Variants in IGSF5 observed in about 807,000 individuals in gnomAD.
The protein encoded by IGSF5 is immunoglobulin superfamily 5 like.
In IGSF5, 41 loss-of-function variants were observed where a neutral mutation model predicts 39.4. That is an observed-to-expected ratio of 1.04 (90% CI 0.81 to 1.35). The LOEUF (loss-of-function observed/expected upper bound fraction) is 1.35, where lower values mean the gene tolerates loss of function less well. Among genes scored for constraint, IGSF5 ranks in the 40% most tolerant of loss-of-function variants. IGSF5 has a pLI of 0.00. For missense variants in IGSF5, 487 were observed against 494.6 expected (o/e 0.98, Z 0.15); for synonymous variants, 183 against 175.3 (o/e 1.04, Z -0.34).
the IGSF5 span, among the ~76,000 whole-genome samples, chr21:39,720,268 A>T: frequency 4.6e-5 from 7 of 152,268 alleles, no homozygotes; most frequent in Middle Eastern, 3.4e-3. Context: ...CACTGATCTG[A>T]CAGGAGGCTG....
chr21:39,724,776 C>T, the IGSF5 span, among the ~76,000 whole-genome samples: 1 of 152,252 alleles, frequency 6.6e-6, no homozygotes, highest in African/African-American at 2.4e-5. Flanking sequence ...TTGCTGCAGC[C>T]ACCAGCTGGG....
chr21:39,796,816 C>A (rs964105630), intron 8 of IGSF5, among the ~76,000 whole-genome samples: 1 of 152,214 alleles, frequency 6.6e-6, no homozygotes. Context: ...AACACTTTTC[C>A]GATCGTGGTT....
Position 39,765,642 on chromosome 21 carries a change from A to T in IGSF5, c.208A>T (p.Met70Leu), listed in dbSNP as rs1881887417. ...CGTCTCCCAGGGCTGGAAGCTCATCATGTGGGCTCTCAGTGACATGGTGGT... is the reference window on the plus strand; with the variant it reads ...CGTCTCCCAGGGCTGGAAGCTCATCTTGTGGGCTCTCAGTGACATGGTGGT... ...CTVSQGWKLI[M>L]WALSDMVVLS... Residue 70 changes from methionine to leucine, a missense_variant, in exon 3 of 9, where the codon ATG (methionine) becomes TTG (leucine). Met to Leu is a conservative substitution (Grantham distance 15). Transcript: ENST00000380588. The T allele has an allele frequency of 2.5e-6, 4 of 1,614,106 alleles. No individual in the cohort carries two copies. Among genetic ancestry groups the T allele is most frequent in the Non-Finnish European group, 3.4e-6 (4 of 1,180,018 alleles).
Position 39,765,731 on chromosome 21 carries a change from C to A in IGSF5, c.297C>A (p.Asp99Glu), listed in dbSNP as rs1569251855. The change falls in exon 3 of 9, where the codon GAC becomes GAA. Residue 99 changes from aspartate (D) to glutamate (E), a missense_variant. Coordinates refer to ENST00000380588, the MANE Select transcript of IGSF5 (RefSeq NM_001080444.2). Reference sequence around the variant, plus strand: ...ACCGCTTCACCTCTCAGAGGTACGACCAGGGCGGGAACTTCACCTCGGAGA... The same window carrying A: ...ACCGCTTCACCTCTCAGAGGTACGAACAGGGCGGGAACTTCACCTCGGAGA... ...TNDRFTSQRYDQGGNFTSEMI... is the reference protein window; with the variant it reads ...TNDRFTSQRYEQGGNFTSEMI... 6.2e-7 allele frequency: 1 copy of A among 1,614,094 alleles called. No homozygotes were observed. Among genetic ancestry groups the A allele is most frequent in the South Asian group, 1.1e-5 (1 of 91,072 alleles).
chr21:39,732,038 A>G, the IGSF5 span, among the ~76,000 whole-genome samples: 772 of 152,258 alleles, frequency 5.1e-3, 5 homozygotes, highest in Non-Finnish European at 9.0e-3. Context: ...AGAGAGGTCC[A>G]TGTCAAAGAG....
intron 3 of IGSF5, among the ~76,000 whole-genome samples, chr21:39,769,839 A>G (rs1333154498): frequency 1.3e-5 from 2 of 152,220 alleles, no homozygotes; most frequent in Non-Finnish European, 2.9e-5. Context: ...TTAATTTCAA[A>G]TATGATAAAT....
At chr21:39,740,266 T>C (rs1360687565), upstream of IGSF5, among the ~76,000 whole-genome samples, 1 of 152,232 alleles carries the variant, frequency 6.6e-6, no homozygotes, top group Non-Finnish European at 1.5e-5. Flanking sequence ...CAATATCTGC[T>C]TGGCGGTTCC....
At chr21:39,748,567 T>C (rs2079987832) in intron 2 of IGSF5, among the ~76,000 whole-genome samples, 1 of 151,954 alleles carries the variant, frequency 6.6e-6, no homozygotes, top group Non-Finnish European at 1.5e-5. Flanking sequence ...CTTTGGCCTC[T>C]CAAGAGAACG....
At chr21:39,722,690 G>A in the IGSF5 span, 2 of 152,230 alleles carry the variant, frequency 1.3e-5, no homozygotes, top group Non-Finnish European at 2.9e-5. Context: ...TGTATCTTTT[G>A]TATGCTACCT....
At chr21:39,769,342 C>A (rs1057316406) in intron 3 of IGSF5, among the ~76,000 whole-genome samples, 1 of 151,914 alleles carries the variant, frequency 6.6e-6, no homozygotes, top group Non-Finnish European at 1.5e-5. Context: ...TGGCTTATGC[C>A]TGTAATCCCA....
chr21:39,785,444 G>A (rs1601138626), intron 5 of IGSF5, among the ~76,000 whole-genome samples: 3 of 152,276 alleles, frequency 2.0e-5, no homozygotes, highest in Admixed American at 6.5e-5. Context: ...GTACCATGCT[G>A]TTTTGGTTAC....
chr21:39,740,136 C>T, the IGSF5 span, among the ~76,000 whole-genome samples: 1 of 152,134 alleles, frequency 6.6e-6, no homozygotes, highest in Non-Finnish European at 1.5e-5. Flanking sequence ...CGTGAGATTC[C>T]CCATTCTATT....
At chr21:39,789,290 A>G (rs1398707515) in intron 6 of IGSF5, among the ~76,000 whole-genome samples, 3 of 152,172 alleles carry the variant, frequency 2.0e-5, no homozygotes, top group African/African-American at 4.8e-5. Context: ...GATAACAACA[A>G]CTATAGAATA....
At chr21:39,720,288 A>G in the IGSF5 span, among the ~76,000 whole-genome samples, 36 of 152,212 alleles carry the variant, frequency 2.4e-4, no homozygotes, top group Admixed American at 2.4e-3. Context: ...GAGCTCAGGC[A>G]GTAATGTGAG....
rs568145890 is a variant in IGSF5, at chr21:39,781,496, G to A, written c.934+2191G>A. Among the ~76,000 whole-genome samples, 6 of 152,276 alleles carry A rather than the reference G, an allele frequency of 3.9e-5. No homozygotes were observed. In the South Asian group the frequency reaches 1.2e-3, roughly 32 times the overall value. ...GTAGCTTTTGGGTAAATTCTCAGAA[G>A]TAGGATTGCTAGGTCAAAAGCTACG... On this transcript the variant is annotated intron_variant, in intron 5 of 8. Transcript: ENST00000380588.
intron 2 of IGSF5, among the ~76,000 whole-genome samples, chr21:39,762,458 A>G (rs1601126806): frequency 1.3e-5 from 2 of 152,286 alleles, no homozygotes; most frequent in South Asian, 4.1e-4. Flanking sequence ...ATAGTGGGGA[A>G]TGTCTGGGTT....
At chr21:39,744,289 C>T (rs1294816919), upstream of IGSF5, among the ~76,000 whole-genome samples, 2 of 152,170 alleles carry the variant, frequency 1.3e-5, no homozygotes, top group African/African-American at 4.8e-5. Flanking sequence ...TCATAACAAC[C>T]CAGCTGCCCC....
At chr21:39,761,253 T>C (rs1365946761) in intron 2 of IGSF5, among the ~76,000 whole-genome samples, 1 of 152,196 alleles carries the variant, frequency 6.6e-6, no homozygotes, top group Non-Finnish European at 1.5e-5. Flanking sequence ...AAAAATTAAC[T>C]CAAGATGGAC....
At chr21:39,782,068 G>A (rs4818093) in intron 5 of IGSF5, among the ~76,000 whole-genome samples, 107,102 of 152,076 alleles carry the variant, frequency 0.7, 37,994 homozygotes, top group Admixed American at 0.75. Context: ...CAGTTGTCCC[G>A]GCAGCATTGA....
Sources: allele counts gnomAD v4.1 joint callset (sites outside exome capture counted in the v4.1 genomes callset), GRCh38; gene constraint gnomAD v4.1.1; transcripts MANE v1.5; gene names NCBI Gene and HGNC (gene_info 2026-07-23, HGNC 2026-07-21).